SLC5A12: variants seen among roughly 807,000 people sequenced by gnomAD.
The protein encoded by SLC5A12 is solute carrier family 5 member 12.
In SLC5A12, 46 loss-of-function variants were observed where a neutral mutation model predicts 72.7. That is an observed-to-expected ratio of 0.63 (90% CI 0.50 to 0.81). The LOEUF is 0.81. SLC5A12 is among the 30% of genes least tolerant of loss of function. The probability of loss-of-function intolerance (pLI) is 0.00; values close to 1 mark genes in which losing one functional copy is unlikely to be tolerated. For synonymous variants in SLC5A12, 275 were observed against 264.4 expected, an observed-to-expected ratio of 1.04 and a Z score of -0.39; for missense variants, 683 against 740.7, an observed-to-expected ratio of 0.92 and a Z score of 0.90.
intron 11 of SLC5A12, among the ~76,000 whole-genome samples, chr11:26,683,392 A>G (rs1854452989): frequency 6.6e-6 from 1 of 152,164 alleles, no homozygotes; most frequent in Admixed American, 6.6e-5. Flanking sequence ...AAACAATGAG[A>G]TTTACATTTG....
At chr11:26,673,700 G>A (rs1013155150) in intron 13 of SLC5A12, among the ~76,000 whole-genome samples, 171 bp from the exon 14 acceptor site, 2 of 152,096 alleles carry the variant, frequency 1.3e-5, no homozygotes, top group Non-Finnish European at 2.9e-5. Flanking sequence ...GTGGGAGTTC[G>A]TTTTTAAACA....
chr11:26,684,459 G>T (rs1854482346), intron 10 of SLC5A12, among the ~76,000 whole-genome samples: 1 of 152,094 alleles, frequency 6.6e-6, no homozygotes, highest in Admixed American at 6.6e-5. Context: ...GTTAGTAAAG[G>T]TAATTTTATC....
intron 4 of SLC5A12, chr11:26,709,097 A>G (rs185196706): frequency 2.3e-5 from 9 of 387,750 alleles, no homozygotes; most frequent in African/African-American, 1.9e-4. Flanking sequence ...ATTTTCTTGA[A>G]TGAGTGCAGA....
At chr11:26,713,118 C>T (rs116826759) in intron 1 of SLC5A12, among the ~76,000 whole-genome samples, 3,941 of 152,068 alleles carry the variant, frequency 0.026, 90 homozygotes, top group East Asian at 0.08. Context: ...CCATCTGTGC[C>T]CACTCATCCT....
At chr11:26,688,680 A>G (rs141889296) in intron 9 of SLC5A12, among the ~76,000 whole-genome samples, 1 of 152,368 alleles carries the variant, frequency 6.6e-6, no homozygotes, top group East Asian at 1.9e-4. Context: ...AAGGATACAC[A>G]GACTCAATGA....
intron 11 of SLC5A12, among the ~76,000 whole-genome samples, chr11:26,683,534 G>A (rs1221070449): frequency 3.3e-5 from 5 of 152,174 alleles, no homozygotes; most frequent in Admixed American, 6.6e-5. Context: ...TTTGATGTCA[G>A]GATATGTGGC....
In SLC5A12 at chr11:26,721,819, C is replaced by T; in HGVS notation, c.-105G>A. 1.1e-6 allele frequency: 1 copy of T among 940,532 alleles called. No homozygotes were observed. Among genetic ancestry groups the T allele is most frequent in the Non-Finnish European group, 1.6e-6 (1 of 613,600 alleles). The allele number at this position is 940,532 out of a possible 1,614,324, so 58.3% of individuals were successfully genotyped here. A position where few individuals can be genotyped will look rare whatever the true frequency, so the allele number is the denominator to read the frequency against. On this transcript the variant is annotated 5_prime_UTR_variant, in exon 1 of 15. Transcript: ENST00000396005. ...GTGGATGCTTTGCTGAGAGGAGAGA[C>T]TGTGATTCCCTGAAGAAAATGATTA...
At chr11:26,703,292 G>C (rs1191415142) in intron 6 of SLC5A12, among the ~76,000 whole-genome samples, 1 of 151,984 alleles carries the variant, frequency 6.6e-6, no homozygotes, top group Non-Finnish European at 1.5e-5. Context: ...AAATAATTGA[G>C]AGAAAAGACA....
intron 2 of SLC5A12, among the ~76,000 whole-genome samples, chr11:26,712,204 A>G (rs1855245991): frequency 6.6e-6 from 1 of 152,070 alleles, no homozygotes; most frequent in South Asian, 2.1e-4. Context: ...AAGAGAGGGA[A>G]GTAGGAGTAT....
intron 10 of SLC5A12, among the ~76,000 whole-genome samples, chr11:26,685,624 A>T (rs934084229): frequency 1.7e-5 from 2 of 118,876 alleles, no homozygotes; most frequent in Non-Finnish European, 3.7e-5. Context: ...ACAAACAAAC[A>T]AAAAAACAAA....
intron 6 of SLC5A12, among the ~76,000 whole-genome samples, chr11:26,703,307 G>C (rs745312706): frequency 1.3e-5 from 2 of 151,648 alleles, no homozygotes; most frequent in Middle Eastern, 3.2e-3. Context: ...AAGACAAACC[G>C]ACTTCAGTTC....
chr11:26,694,456 G>A (rs1164326851), intron 8 of SLC5A12, among the ~76,000 whole-genome samples: 2 of 152,138 alleles, frequency 1.3e-5, no homozygotes, highest in African/African-American at 2.4e-5. Flanking sequence ...AGAGAGGGAC[G>A]AAAGAAAGGA....
chr11:26,705,470 A>AGATGACAG (rs1306750947), intron 4 of SLC5A12, among the ~76,000 whole-genome samples: 1 of 152,150 alleles, frequency 6.6e-6, no homozygotes, highest in Non-Finnish European at 1.5e-5. Flanking sequence ...TTTAGTGAAA[A>AGATGACAG]GATGACAGGC....
At chr11:26,706,288 G>A (rs1412414985) in intron 4 of SLC5A12, among the ~76,000 whole-genome samples, 1 of 151,828 alleles carries the variant, frequency 6.6e-6, no homozygotes, top group East Asian at 1.9e-4. Context: ...AGGCTAAGGA[G>A]CTTATAATTT....
intron 13 of SLC5A12, 63 bp downstream of exon 13, chr11:26,678,649 G>A: frequency 8.4e-7 from 1 of 1,187,630 alleles, no homozygotes; most frequent in Non-Finnish European, 1.2e-6. Flanking sequence ...CAGACAGCCA[G>A]TCCACCAATG....
intron 8 of SLC5A12, among the ~76,000 whole-genome samples, chr11:26,696,443 T>C (rs1210526019): frequency 3.3e-5 from 5 of 152,220 alleles, no homozygotes; most frequent in African/African-American, 1.2e-4. Flanking sequence ...TAGCCATGCA[T>C]TGGTTAATAG....
Position 26,681,200 on chromosome 11 carries a change from T to G in SLC5A12, c.1330A>C (p.Thr444Pro). The change falls in exon 12 of 15, where the codon ACT (threonine) becomes CCT (proline). Residue 444 changes from threonine (T) to proline (P), a missense_variant. Physicochemically the swap from Thr to Pro is conservative, Grantham distance 38. Coordinates refer to ENST00000396005, the MANE Select transcript of SLC5A12 (RefSeq NM_178498.4). ...NWKGALGGLL[T>P]GITLSFWVAI... ...ACCCAAAATGACAAGGTGATTCCAGTAAGAAGACCTCCTAGTGCACCCTGG... is the reference window on the plus strand; with the variant it reads ...ACCCAAAATGACAAGGTGATTCCAGGAAGAAGACCTCCTAGTGCACCCTGG... 2 of 1,603,870 alleles carry G rather than the reference T, an allele frequency of 1.2e-6. No homozygotes were observed. Among genetic ancestry groups the G allele is most frequent in the Non-Finnish European group, 1.7e-6 (2 of 1,175,556 alleles).
At chr11:26,705,241 G>A (rs1313001585) in intron 4 of SLC5A12, among the ~76,000 whole-genome samples, 1 of 151,982 alleles carries the variant, frequency 6.6e-6, no homozygotes, top group Non-Finnish European at 1.5e-5. Flanking sequence ...TGGGCAAGAA[G>A]AAGGAAGGAA....
In SLC5A12 at chr11:26,703,688, A is replaced by G. The variant is rs1186658538; in HGVS notation, c.681-17T>C. 4 of 1,613,688 alleles carry G rather than the reference A, an allele frequency of 2.5e-6. No individual in the cohort carries two copies. The highest frequency in any genetic ancestry group is 3.4e-6 in the Non-Finnish European group (4 of 1,179,826). ...ACATCAAAGCTATGAGACAGAGAGA[A>G]ATGAGTGAACAAAGATATTCCTTTG... On this transcript the variant is annotated splice_polypyrimidine_tract_variant and intron_variant, in intron 5 of 14. Coordinates refer to ENST00000396005, the MANE Select transcript of SLC5A12 (RefSeq NM_178498.4).
Sources: allele counts gnomAD v4.1 joint callset (sites outside exome capture counted in the v4.1 genomes callset), GRCh38; gene constraint gnomAD v4.1.1; transcripts MANE v1.5; gene names NCBI Gene and HGNC (gene_info 2026-07-23, HGNC 2026-07-21).